Variants in ZFHX3 observed in about 807,000 individuals in gnomAD.
The protein encoded by ZFHX3 is zinc finger homeobox 3.
ZFHX3 carries 42 observed loss-of-function variants against 279.1 expected under a neutral mutation model. That is an observed-to-expected ratio of 0.15 (90% confidence interval 0.12 to 0.19). ZFHX3 has a LOEUF of 0.19. Ranked by LOEUF, ZFHX3 falls within the 10% of genes least tolerant of loss-of-function variation. The pLI, the probability that ZFHX3 is intolerant of heterozygous loss-of-function variation, is 1.00. For missense variants in ZFHX3, 4,981 were observed against 4,754.0 expected, an observed-to-expected ratio of 1.05 and a Z score of -1.40; for synonymous variants, 2,293 against 1,957.8, an observed-to-expected ratio of 1.17 and a Z score of -4.52.
chr16:73,679,844 C>T (rs1021564972), intron 2 of ZFHX3: 1 of 152,154 alleles, frequency 6.6e-6, no homozygotes, highest in Non-Finnish European at 1.5e-5. Context: ...CCGTAGCAAT[C>T]GTTCTGCTGT....
chr16:73,021,083 G>C (rs1355810037), intron 1 of ZFHX3, among the ~76,000 whole-genome samples: 1 of 152,218 alleles, frequency 6.6e-6, no homozygotes, highest in Non-Finnish European at 1.5e-5. Flanking sequence ...GATGTCCTCA[G>C]ACAGACTTGG....
intron 2 of ZFHX3, among the ~76,000 whole-genome samples, chr16:73,672,860 T>G (rs1481163583): frequency 6.6e-6 from 1 of 152,110 alleles, no homozygotes; most frequent in Non-Finnish European, 1.5e-5. Context: ...ACCCAAATAT[T>G]CAAAGCGACA....
chr16:73,287,396 G>T (rs1410014659), intron 4 of ZFHX3, among the ~76,000 whole-genome samples: 1 of 142,382 alleles, frequency 7.0e-6, no homozygotes, highest in Non-Finnish European at 1.5e-5. Context: ...GTGGGTGGTG[G>T]GTGTGTGGCT....
intron 1 of ZFHX3, among the ~76,000 whole-genome samples, chr16:73,707,351 G>A (rs1418277560): frequency 6.6e-6 from 1 of 152,006 alleles, no homozygotes; most frequent in African/African-American, 2.4e-5. Context: ...ATATCAACAT[G>A]GGTATATTTT....
At chr16:73,821,111 G>A (rs1017617259) in intron 1 of ZFHX3, among the ~76,000 whole-genome samples, 36 of 152,160 alleles carry the variant, frequency 2.4e-4, no homozygotes, top group Admixed American at 1.4e-3. Context: ...ACACTAAAGC[G>A]TTAATTTTAC....
chr16:72,906,317 G>A (rs2039170684), intron 3 of ZFHX3, among the ~76,000 whole-genome samples: 1 of 152,066 alleles, frequency 6.6e-6, no homozygotes. Flanking sequence ...TAAGTTCACT[G>A]TACTGCAGGC....
chr16:72,846,505 G>A lies in ZFHX3; in HGVS notation c.3449-16646C>T, dbSNP rs540938830. On this transcript the variant is annotated intron_variant, in intron 4 of 9. Coordinates refer to ENST00000268489, the MANE Select transcript of ZFHX3 (RefSeq NM_006885.4). ...CTGTGAGCATGAAAGGTACCTTTGA[G>A]AAAGTCAGAACAAGGTGCTCCTCCA... 1.5e-3 allele frequency among the ~76,000 whole-genome samples: 222 copies of A among 152,366 alleles called. 1 individual carries two copies. The highest frequency in any genetic ancestry group is 1.1e-3 in the Non-Finnish European group (78 of 68,038).
intron 1 of ZFHX3, among the ~76,000 whole-genome samples, chr16:73,707,941 C>T (rs557806465): frequency 6.6e-6 from 1 of 152,088 alleles, no homozygotes; most frequent in East Asian, 1.9e-4. Flanking sequence ...GGACTTGAAA[C>T]TTTTTATATT....
Position 73,401,316 on chromosome 16 carries a change from CA to C in ZFHX3, c.-1291+54686del, listed in dbSNP as rs1348126382. ...CCCTTTTTCCCGCACTGTCTCCAGT[CA>C]CGATCCAGCCGATAAAACCCACAGG... On this transcript the variant is annotated intron_variant, in intron 3 of 17. Transcript: ENST00000641206. 2.7e-5 allele frequency: 4 copies of C among 150,796 alleles called. No individual in the cohort carries two copies. In the East Asian group the frequency reaches 7.8e-4, roughly 30 times the overall value. 9.3% of individuals were successfully genotyped at this position (150,796 alleles called of 1,614,324 possible).
chr16:73,850,617 G>A (rs1332403056), intron 1 of ZFHX3, among the ~76,000 whole-genome samples: 3 of 152,148 alleles, frequency 2.0e-5, no homozygotes, highest in African/African-American at 7.2e-5. Context: ...GGGAAGCTCT[G>A]GGGCATAAAT....
At chr16:73,405,253 T>C (rs976681336) in intron 3 of ZFHX3, among the ~76,000 whole-genome samples, 2 of 152,234 alleles carry the variant, frequency 1.3e-5, no homozygotes, top group South Asian at 4.1e-4. Context: ...CTGAATTTTT[T>C]AAATTTAGGG....
In ZFHX3 at chr16:73,882,592, C is replaced by G. The variant is rs540914563; in HGVS notation, c.-1608+9059G>C. 2.0e-5 allele frequency among the ~76,000 whole-genome samples: 3 copies of G among 152,026 alleles called. No individual in the cohort carries two copies. In the East Asian group the frequency reaches 5.8e-4, roughly 29 times the overall value. On this transcript the variant is annotated intron_variant, in intron 1 of 17. Transcript: ENST00000641206. Reference sequence around the variant, plus strand: ...ATTATGTCAATAATTTCTACAGCAACATTTTATTCCAGGTACAGAAATGAC... The same window carrying G: ...ATTATGTCAATAATTTCTACAGCAAGATTTTATTCCAGGTACAGAAATGAC...
chr16:73,029,403 CA>C (rs1488530108), intron 1 of ZFHX3, among the ~76,000 whole-genome samples: 1 of 152,208 alleles, frequency 6.6e-6, no homozygotes, highest in Admixed American at 6.5e-5. Flanking sequence ...AAAGGGGACA[CA>C]AGAGCCTCCT....
chr16:72,827,398 A>T (rs1409147254), intron 5 of ZFHX3, among the ~76,000 whole-genome samples: 1 of 152,156 alleles, frequency 6.6e-6, no homozygotes, highest in Non-Finnish European at 1.5e-5. Context: ...TTTAATCTTC[A>T]TCTCATCTGA....
intron 1 of ZFHX3, chr16:73,014,960 AG>A (rs1964048175): frequency 6.6e-6 from 1 of 151,060 alleles, no homozygotes; most frequent in African/African-American, 2.4e-5. Flanking sequence ...TCCAGACCCT[AG>A]GGACCAGCTG....
intron 3 of ZFHX3, among the ~76,000 whole-genome samples, chr16:72,926,454 G>A (rs1959452398): frequency 6.6e-6 from 1 of 152,142 alleles, no homozygotes; most frequent in South Asian, 2.1e-4. Context: ...ATGAATTACA[G>A]AATCCACTTT....
intron 5 of ZFHX3, among the ~76,000 whole-genome samples, chr16:73,254,775 T>C (rs988650365): frequency 2.0e-5 from 3 of 152,230 alleles, no homozygotes; most frequent in African/African-American, 7.2e-5. Flanking sequence ...AGTTTATTTC[T>C]AAGTAAACTA....
intron 2 of ZFHX3, among the ~76,000 whole-genome samples, chr16:73,471,118 A>G (rs796969570): frequency 1.1e-4 from 16 of 152,354 alleles, no homozygotes; most frequent in Middle Eastern, 3.4e-3. Flanking sequence ...TCAGGAATTC[A>G]TCAAAGAAAA....
At chr16:73,058,091 C>G (rs914628691) in intron 1 of ZFHX3, among the ~76,000 whole-genome samples, 113 of 146,080 alleles carry the variant, frequency 7.7e-4, no homozygotes, top group Non-Finnish European at 1.5e-3. Context: ...GCCGCCCTCC[C>G]GCCCTCGGCC....
Sources: allele counts gnomAD v4.1 joint callset (sites outside exome capture counted in the v4.1 genomes callset), GRCh38; gene constraint gnomAD v4.1.1; transcripts MANE v1.5; gene names NCBI Gene and HGNC (gene_info 2026-07-23, HGNC 2026-07-21).